RANBP17: variants seen among roughly 807,000 people sequenced by gnomAD.
The protein encoded by RANBP17 is RAN binding protein 17, also known as ran-binding protein 17.
RANBP17 carries 158 observed loss-of-function variants against 141.2 expected under a neutral mutation model. The observed-to-expected ratio is 1.12, with a 90% CI of 0.98 to 1.28. The LOEUF (loss-of-function observed/expected upper bound fraction) is 1.28, where lower values mean the gene tolerates loss of function less well. Ranked by LOEUF, RANBP17 falls within the 50% of genes most tolerant of loss-of-function variation. The probability of loss-of-function intolerance (pLI) is 0.00; values close to 1 mark genes in which losing one functional copy is unlikely to be tolerated. For synonymous variants in RANBP17, 430 were observed against 450.0 expected (o/e 0.96, Z 0.56); for missense variants, 1,438 against 1,290.7 (o/e 1.11, Z -1.75).
intron 14 of RANBP17, among the ~76,000 whole-genome samples, chr5:171,019,138 G>A (rs1166772304): frequency 1.3e-5 from 2 of 152,168 alleles, no homozygotes; most frequent in African/African-American, 2.4e-5. Flanking sequence ...GTTTTTTGAT[G>A]TGCTGCTGGA....
chr5:170,944,647 G>A (rs1294972638), intron 12 of RANBP17, among the ~76,000 whole-genome samples: 2 of 152,098 alleles, frequency 1.3e-5, no homozygotes, highest in Non-Finnish European at 2.9e-5. Context: ...GATTTTTAAG[G>A]TTTAAGAAAT....
intron 14 of RANBP17, among the ~76,000 whole-genome samples, chr5:171,134,234 G>A (rs1757117384): frequency 6.6e-6 from 1 of 152,118 alleles, no homozygotes; most frequent in Non-Finnish European, 1.5e-5. Flanking sequence ...GACTAACTGG[G>A]AATTGAGATG....
rs1279988701 is a variant in RANBP17 at position 171,170,162 on chromosome 5, A to G, written c.1743A>G (p.Ile581Met). The G allele has an allele frequency of 1.9e-6, 3 of 1,588,562 alleles. No homozygotes were observed. Among genetic ancestry groups the G allele is most frequent in the Admixed American group, 3.5e-5 (2 of 57,970 alleles). The change falls in exon 15 of 28, where the codon ATA becomes ATG. Residue 581 changes from isoleucine (I) to methionine (M), a missense_variant. Coordinates refer to ENST00000523189, the MANE Select transcript of RANBP17 (RefSeq NM_022897.5). ...VYARMSEVLG[I>M]TDDNHVLETF... Reference sequence around the variant, plus strand: ...CTCGTATGTCAGAAGTCTTAGGAATAACAGATGACAACCACGTTCTAGAGA... The same window carrying G: ...CTCGTATGTCAGAAGTCTTAGGAATGACAGATGACAACCACGTTCTAGAGA...
intron 14 of RANBP17, among the ~76,000 whole-genome samples, chr5:171,159,930 AAAAAAAAAAAAG>A (rs1759210118): frequency 6.6e-6 from 1 of 151,042 alleles, no homozygotes; most frequent in Non-Finnish European, 1.5e-5. Context: ...AAAAAAAAAA[AAAAAAAAAAAAG>A]AAAAAAGAAG....
At chr5:171,154,104 T>G (rs1220380040) in intron 14 of RANBP17, among the ~76,000 whole-genome samples, 5 of 148,938 alleles carry the variant, frequency 3.4e-5, no homozygotes, top group Admixed American at 6.7e-5. Flanking sequence ...TTTAGTTTTT[T>G]TTTTTTTTTT....
intron 25 of RANBP17, among the ~76,000 whole-genome samples, chr5:171,289,455 G>A (rs1033120271): frequency 4.6e-5 from 7 of 152,150 alleles, no homozygotes; most frequent in African/African-American, 1.7e-4. Context: ...GGTTTAAATT[G>A]GGCATTTCGG....
At chr5:171,285,488 G>T (rs1768116169) in intron 25 of RANBP17, among the ~76,000 whole-genome samples, 1 of 152,160 alleles carries the variant, frequency 6.6e-6, no homozygotes, top group Non-Finnish European at 1.5e-5. Flanking sequence ...AAATTTAGAT[G>T]GTATTTTTGA....
rs533115068 is a variant in RANBP17 at position 170,924,475 on chromosome 5, G to A, written c.1393G>A (p.Asp465Asn). ...ATGTGCTCTTCTTGTGCAGTTATTC[G>A]ACCAAAATGCACAGAATTACCAAAA... ...KTCALLVQLF[D>N]QNAQNYQKLL... is the part of the protein sequence containing the mutation. Residue 465 changes from aspartate to asparagine, a missense_variant, in exon 12 of 28, where the codon GAC (aspartate) becomes AAC (asparagine). By Grantham distance (23) the Asp-to-Asn change is conservative. Coordinates refer to ENST00000523189, the MANE Select transcript of RANBP17 (RefSeq NM_022897.5). 8.7e-6 allele frequency: 14 copies of A among 1,613,032 alleles called. No individual in the cohort carries two copies. Among genetic ancestry groups the A allele is most frequent in the African/African-American group, 5.3e-5 (4 of 74,958 alleles).
chr5:171,019,291 T>C lies in RANBP17; in HGVS notation c.1710+50914T>C, dbSNP rs531602246. ...CTGTATAAAATAAGTTAGGAAGGAG[T>C]CCCTCCTTTTCAATTGTTTGGAATA... is the stretch of plus-strand genomic sequence containing the variant. On this transcript the variant is annotated intron_variant, in intron 14 of 27. Coordinates refer to ENST00000523189, the MANE Select transcript of RANBP17 (RefSeq NM_022897.5). Among the ~76,000 whole-genome samples, 383 of 152,168 alleles carry C rather than the reference T, an allele frequency of 2.5e-3. 4 individuals are homozygous for C. Among genetic ancestry groups the C allele is most frequent in the African/African-American group, 7.7e-3 (321 of 41,526 alleles).
At chr5:171,108,541 C>G (rs972757376) in intron 14 of RANBP17, among the ~76,000 whole-genome samples, 2 of 152,054 alleles carry the variant, frequency 1.3e-5, no homozygotes, top group African/African-American at 4.8e-5. Flanking sequence ...CCCTCCCAAA[C>G]AGCTGGGACC....
intron 14 of RANBP17, among the ~76,000 whole-genome samples, chr5:171,092,722 G>C (rs954916101): frequency 6.6e-6 from 1 of 152,140 alleles, no homozygotes; most frequent in African/African-American, 2.4e-5. Flanking sequence ...TGATCATTCT[G>C]ATGAAGTCCT....
intron 14 of RANBP17, among the ~76,000 whole-genome samples, chr5:171,115,681 G>A (rs1755568982): frequency 6.6e-6 from 1 of 152,160 alleles, no homozygotes; most frequent in Admixed American, 6.6e-5. Context: ...CAATCTAACG[G>A]GATTCCAACA....
chr5:171,060,554 A>G (rs1783752170), intron 14 of RANBP17, among the ~76,000 whole-genome samples: 1 of 152,086 alleles, frequency 6.6e-6, no homozygotes, highest in Non-Finnish European at 1.5e-5. Flanking sequence ...GTGGTGCTGG[A>G]TTCGGTTTGT....
At chr5:170,991,439 C>T (rs1000105529) in intron 14 of RANBP17, among the ~76,000 whole-genome samples, 8 of 151,858 alleles carry the variant, frequency 5.3e-5, no homozygotes, top group African/African-American at 7.2e-5. Flanking sequence ...TCACCGTATT[C>T]GGGTAGTCAG....
intron 14 of RANBP17, among the ~76,000 whole-genome samples, chr5:171,040,698 A>G (rs1782195184): frequency 6.6e-6 from 1 of 152,102 alleles, no homozygotes; most frequent in Non-Finnish European, 1.5e-5. Context: ...AGAAAAGAAG[A>G]CCTTAGGAGA....
chr5:171,158,333 G>T (rs2127848982), intron 14 of RANBP17: 1 of 184,262 alleles, frequency 5.4e-6, no homozygotes, highest in African/African-American at 2.3e-5. Context: ...TTTTCCCCTA[G>T]GCCTTGCGTG....
chr5:170,943,786 A>G (rs766674393), intron 12 of RANBP17, among the ~76,000 whole-genome samples: 27 of 152,170 alleles, frequency 1.8e-4, no homozygotes, highest in Admixed American at 9.8e-4. Flanking sequence ...GGTGTACGGC[A>G]TGATGTTTTG....
chr5:170,862,573 T>G (rs1373581817), intron 1 of RANBP17, among the ~76,000 whole-genome samples: 3 of 151,978 alleles, frequency 2.0e-5, no homozygotes, highest in Non-Finnish European at 4.4e-5. Flanking sequence ...GGTTGGACTT[T>G]AATTGGCCAG....
intron 12 of RANBP17, among the ~76,000 whole-genome samples, chr5:170,932,872 T>G (rs536165807): frequency 6.6e-6 from 1 of 152,014 alleles, no homozygotes; most frequent in Non-Finnish European, 1.5e-5. Context: ...AAAATTCTCT[T>G]TTTTTTTGTT....
Sources: gnomAD v4.1 joint callset for allele counts (sites outside exome capture counted in the v4.1 genomes callset) on GRCh38, gnomAD v4.1.1 for gene constraint, MANE v1.5 for transcripts, NCBI Gene and HGNC (gene_info 2026-07-23, HGNC 2026-07-21) for gene names.